LMF2: variants seen among roughly 807,000 people sequenced by gnomAD.
The protein encoded by LMF2 is transmembrane protein 112B.
Under a neutral mutation model 81.5 loss-of-function variants are expected in LMF2, and 113 were observed. That is an observed-to-expected ratio of 1.39 (90% confidence interval 1.19 to 1.62). The LOEUF (loss-of-function observed/expected upper bound fraction) is 1.62, where lower values mean the gene tolerates loss of function less well. LMF2 is among the 40% of genes most tolerant of loss of function. The pLI is 0.00. For synonymous variants in LMF2, 645 were observed against 424.5 expected (o/e 1.52, Z -6.39); for missense variants, 1,235 against 929.1 (o/e 1.33, Z -4.28).
Position 50,506,543 on chromosome 22 carries a change from CA to C in LMF2, c.378-42del, listed in dbSNP as rs777905313. 2.0e-5 allele frequency: 32 copies of C among 1,577,232 alleles called. No homozygotes were observed. The African/African-American group carries it at 3.6e-4, about 18-fold the overall frequency. On this transcript the variant is annotated intron_variant, in intron 3 of 13. Coordinates refer to ENST00000474879, the MANE Select transcript of LMF2 (RefSeq NM_033200.3). ...ATAGCACCAAGAGCCCCTCCCCACACAGCTGCTTCCCTCGGAAAGTCCTCCC... is the reference window on the plus strand; with the variant it reads ...ATAGCACCAAGAGCCCCTCCCCACACGCTGCTTCCCTCGGAAAGTCCTCCC...
chr22:50,503,625 C>T lies in LMF2; in HGVS notation c.1890G>A (p.Leu630=), dbSNP rs768577115. 2.3e-4 allele frequency: 368 copies of T among 1,580,864 alleles called. No homozygotes were observed. Among genetic ancestry groups the T allele is most frequent in the Non-Finnish European group, 3.1e-4 (356 of 1,165,726 alleles). ...GCAGGGCGGGGGCCTCCAGGGGAGA[C>T]AGCTGAGAGCGAGTCCAGTGGAGGG... is the stretch of plus-strand genomic sequence containing the variant. ...AQALHWTRSQ[L]SPLEAPALLW... The change falls in exon 14 of 14, where the codon CTG becomes CTA. Residue 630 remains leucine (L), a synonymous_variant. Coordinates refer to ENST00000474879, the MANE Select transcript of LMF2 (RefSeq NM_033200.3).
At position 50,507,046 on chromosome 22, in the gene LMF2, G is replaced by T; in HGVS notation, c.95-11C>A. ...CGGGGCCATACAGGCCTGTGGGAGG[G>T]CATGTCATGGCCAGGCCCTGGACAG... On this transcript the variant is annotated splice_polypyrimidine_tract_variant and intron_variant, in intron 1 of 13. Coordinates refer to ENST00000474879, the MANE Select transcript of LMF2 (RefSeq NM_033200.3). 1 of 1,583,192 alleles carries T rather than the reference G, an allele frequency of 6.3e-7. No homozygotes were observed.
chr22:50,504,486 A>AACCCCCCAGGC, intron 11 of LMF2, 35 bp from the exon 12 acceptor site: 1 of 1,539,764 alleles, frequency 6.5e-7, no homozygotes, highest in Non-Finnish European at 8.8e-7. Flanking sequence ...CCCCCACAGT[A>AACCCCCCAGGC]CCCGCCCTGC....
intron 11 of LMF2, 51 bp from the exon 12 acceptor site, chr22:50,504,502 C>CCCCA: frequency 2.0e-6 from 3 of 1,470,234 alleles, no homozygotes; most frequent in Non-Finnish European, 2.8e-6. Context: ...CCTGCCCCTC[C>CCCCA]CCTCCCCACC....
chr22:50,506,652 G>A lies in LMF2; in HGVS notation c.363C>T (p.Phe121=). The A allele has an allele frequency of 2.5e-6, 4 of 1,613,424 alleles. No homozygotes were observed. Among genetic ancestry groups the A allele is most frequent in the Non-Finnish European group, 3.4e-6 (4 of 1,179,854 alleles). Residue 121 remains phenylalanine, a synonymous_variant, in exon 3 of 14, where the codon TTC becomes TTT. Coordinates refer to ENST00000474879, the MANE Select transcript of LMF2 (RefSeq NM_033200.3). ...CCGTCACTCACCACTGGAAATAAAG[G>A]AACACCTGGCCCACCTGCGGAGAGA... The part of the protein sequence containing the change: ...YLSACQVGQV[F]LYFQWDSLLL...
chr22:50,504,808 G>T lies in LMF2; in HGVS notation c.1431C>A (p.His477Gln). The T allele has an allele frequency of 6.2e-7, 1 of 1,606,436 alleles. No individual in the cohort carries two copies. The highest frequency in any genetic ancestry group is 8.5e-7 in the Non-Finnish European group (1 of 1,175,604). ...VVLEGSYDGH[H>Q]WTEIEFMYKP... is the part of the protein sequence containing the mutation. ...CCGCCCTGGGAGGGCTCACCGTCCA[G>T]TGGTGGCCGTCGTAACTGCCCTCCA... The change falls in exon 10 of 14, where the codon CAC becomes CAA. Residue 477 changes from histidine to glutamine, a missense_variant. Transcript: ENST00000474879.
In LMF2 at chr22:50,505,048, G is replaced by A. The variant is rs776998119; in HGVS notation, c.1254+9C>T. The A allele has an allele frequency of 2.5e-5, 40 of 1,612,708 alleles. No individual in the cohort carries two copies. Among genetic ancestry groups the A allele is most frequent in the South Asian group, 5.5e-5 (5 of 91,092 alleles). On this transcript the variant is annotated intron_variant, in intron 9 of 13. Coordinates refer to ENST00000474879, the MANE Select transcript of LMF2 (RefSeq NM_033200.3). The stretch of plus-strand genomic sequence containing the variant: ...CCAGCCCATCCCCCAGCCCTGCAGC[G>A]CTACCCACCAGGCTAATCAGGAACA...
chr22:50,506,714 G>C (rs745465395), intron 2 of LMF2, 48 bp from the exon 3 acceptor site: 6 of 1,613,408 alleles, frequency 3.7e-6, no homozygotes, highest in Non-Finnish European at 3.4e-6. Context: ...GTGGACTCAG[G>C]TAAGGTAGAG....
rs199748985 is a variant in LMF2 at position 50,505,310 on chromosome 22, T to C, written c.1076A>G (p.Gln359Arg). 6.2e-7 allele frequency: 1 copy of C among 1,613,124 alleles called. No homozygotes were observed. Among genetic ancestry groups the C allele is most frequent in the East Asian group, 2.2e-5 (1 of 44,898 alleles). Residue 359 changes from glutamine (Q) to arginine (R), a missense_variant, in exon 8 of 14, where the codon CAG (glutamine) becomes CGG (arginine). Coordinates refer to ENST00000474879, the MANE Select transcript of LMF2 (RefSeq NM_033200.3). ...GGGCAGCGTCAGTGTCTTCAGCCAC[T>C]GAGAAAACTGGTGGAAGGTGAAAGC... ...RTTFTFHQFS[Q>R]WLKTLTLPTV...
In LMF2 at chr22:50,505,756, C is replaced by T. The variant is rs1025815443; in HGVS notation, c.834G>A (p.Thr278=). 6.8e-6 allele frequency: 11 copies of T among 1,613,080 alleles called. No homozygotes were observed. In the African/African-American group the frequency reaches 8.0e-5, roughly 12 times the overall value. The change falls in exon 6 of 14, where the codon ACG becomes ACA. Residue 278 remains threonine (T), a synonymous_variant. Coordinates refer to ENST00000474879, the MANE Select transcript of LMF2 (RefSeq NM_033200.3). ...TGNYNFFNLM[T]LVLTTALLDD... is the part of the protein sequence containing the mutation. ...CCAGCAGCGCAGTGGTAAGCACCAGCGTCATCAGGTTGAAGAAGTTGTAGT... is the reference window on the plus strand; with the variant it reads ...CCAGCAGCGCAGTGGTAAGCACCAGTGTCATCAGGTTGAAGAAGTTGTAGT...
intron 12 of LMF2, 90 bp from the exon 13 acceptor site, chr22:50,503,994 C>T: frequency 6.1e-6 from 7 of 1,144,138 alleles, no homozygotes; most frequent in Non-Finnish European, 8.7e-6. Flanking sequence ...CTCCTCAGCT[C>T]CTCACGCTCC....
chr22:50,507,382 C>G, intron 1 of LMF2, 200 bp downstream of exon 1: 1 of 631,704 alleles, frequency 1.6e-6, no homozygotes, highest in Non-Finnish European at 2.8e-6. Flanking sequence ...AGGTCAGAGT[C>G]CAGAGCCTTA....
rs370674213 is a variant in LMF2 at position 50,504,736 on chromosome 22, C to G, written c.1438-9G>C. The G allele has an allele frequency of 6.2e-7, 1 of 1,609,074 alleles. No individual in the cohort carries two copies. Among genetic ancestry groups the G allele is most frequent in the African/African-American group, 1.3e-5 (1 of 74,802 alleles). On this transcript the variant is annotated splice_polypyrimidine_tract_variant and intron_variant, in intron 10 of 13. Transcript: ENST00000474879. ...TACATGAACTCGATCTCCTGCCAGGCAGGCCGAGGTCAGCTGGGCCCGCTG... is the reference window on the plus strand; with the variant it reads ...TACATGAACTCGATCTCCTGCCAGGGAGGCCGAGGTCAGCTGGGCCCGCTG...
At chr22:50,506,582 G>A (rs2068579800) in intron 3 of LMF2, 56 bp downstream of exon 3, 1 of 1,596,756 alleles carries the variant, frequency 6.3e-7, no homozygotes. Context: ...GAAGGGCAGA[G>A]CCCTCCCCCA....
Position 50,507,650 on chromosome 22 carries a change from T to G in LMF2, c.26A>C (p.Gln9Pro), listed in dbSNP as rs571015314. The change falls in exon 1 of 14, where the codon CAG (glutamine) becomes CCG (proline). Residue 9 changes from glutamine to proline, a missense_variant. Physicochemically the swap from Gln to Pro is moderately conservative, Grantham distance 76. Coordinates refer to ENST00000474879, the MANE Select transcript of LMF2 (RefSeq NM_033200.3). ...GGCCGCCACGCCCTGGAGGAAGAGCTGCCGCGGGAGCCGGGAGCCCGCCAT... is the reference window on the plus strand; with the variant it reads ...GGCCGCCACGCCCTGGAGGAAGAGCGGCCGCGGGAGCCGGGAGCCCGCCAT... MAGSRLPR[Q>P]LFLQGVAAVF... The G allele has an allele frequency of 2.6e-6, 4 of 1,551,752 alleles. No homozygotes were observed. The highest frequency in any genetic ancestry group is 1.2e-5 in the South Asian group (1 of 84,182).
Position 50,505,753 on chromosome 22 carries a change from C to A in LMF2, c.837G>T (p.Leu279=). The A allele has an allele frequency of 6.2e-7, 1 of 1,613,218 alleles. No homozygotes were observed. The highest frequency in any genetic ancestry group is 8.5e-7 in the Non-Finnish European group (1 of 1,179,944). ...GNYNFFNLMT[L]VLTTALLDDQ... is the part of the protein sequence containing the mutation. ...CGTCCAGCAGCGCAGTGGTAAGCAC[C>A]AGCGTCATCAGGTTGAAGAAGTTGT... is the stretch of plus-strand genomic sequence containing the variant. The change falls in exon 6 of 14, where the codon CTG becomes CTT. Residue 279 remains leucine (L), a synonymous_variant. Transcript: ENST00000474879.
Position 50,505,512 on chromosome 22 carries a change from G to A in LMF2, c.942C>T (p.Thr314=). 1 of 1,612,658 alleles carries A rather than the reference G, an allele frequency of 6.2e-7. No individual in the cohort carries two copies. The highest frequency in any genetic ancestry group is 8.5e-7 in the Non-Finnish European group (1 of 1,180,020). The change falls in exon 7 of 14, where the codon ACC becomes ACT. Residue 314 remains threonine (T), a synonymous_variant. Transcript: ENST00000474879. ...ATSWPKALLA[T]LSLLLELAVY... ...CGGCTAGTTCCAGCAGCAGCGACAG[G>A]GTGGCCAGCAGGGCCTTGGGCCAGG...
rs780055199 is a variant in LMF2 at position 50,505,231 on chromosome 22, C to A, written c.1155G>T (p.Trp385Cys). The A allele has an allele frequency of 1.9e-6, 3 of 1,612,908 alleles. No individual in the cohort carries two copies. Among genetic ancestry groups the A allele is most frequent in the Admixed American group, 1.7e-5 (1 of 60,008 alleles). Residue 385 changes from tryptophan to cysteine, a missense_variant and splice_region_variant, in exon 8 of 14, where the codon TGG becomes TGT. Trp to Cys is a radical substitution (Grantham distance 215, BLOSUM62 -2). Coordinates refer to ENST00000474879, the MANE Select transcript of LMF2 (RefSeq NM_033200.3). ...TCCCTGCTTCCTGGGCCATGTACCT[C>A]CACAGGGCACTCAGCAGCTCCCAGA... ...SLVWELLSAL[W>C]RWTQVRGWLR...
Position 50,505,526 on chromosome 22 carries a change from C to A in LMF2, c.928G>T (p.Ala310Ser). Reference protein sequence around the residue: ...RKKTATSWPKALLATLSLLLE... With the variant: ...RKKTATSWPKSLLATLSLLLE... ...AGCAGCGACAGGGTGGCCAGCAGGG[C>A]CTTGGGCCAGGCTGTGGGGCAGGAC... Residue 310 changes from alanine to serine, a missense_variant, in exon 7 of 14, where the codon GCC becomes TCC. Coordinates refer to ENST00000474879, the MANE Select transcript of LMF2 (RefSeq NM_033200.3). 1 of 1,612,544 alleles carries A rather than the reference C, an allele frequency of 6.2e-7. No homozygotes were observed. Among genetic ancestry groups the A allele is most frequent in the South Asian group, 1.1e-5 (1 of 91,072 alleles).
Sources: allele counts gnomAD v4.1 joint callset, GRCh38; gene constraint gnomAD v4.1.1; transcripts MANE v1.5; gene names NCBI Gene and HGNC (gene_info 2026-07-23, HGNC 2026-07-21).